FSD2: variants seen among roughly 807,000 people sequenced by gnomAD.
The protein encoded by FSD2 is fibronectin type III and SPRY domain-containing protein 2.
A neutral mutation model predicts 80.4 loss-of-function variants in FSD2; 71 were observed. The observed-to-expected ratio is 0.88, with a 90% CI of 0.73 to 1.08. The LOEUF is 1.08. FSD2 is among the 50% of genes least tolerant of loss of function. The probability of loss-of-function intolerance (pLI) is 0.00; values close to 1 mark genes in which losing one functional copy is unlikely to be tolerated. For missense variants in FSD2, 923 were observed against 913.8 expected, an observed-to-expected ratio of 1.01 and a Z score of -0.13; for synonymous variants, 361 against 329.5, an observed-to-expected ratio of 1.10 and a Z score of -1.03.
rs1260410541 is a variant in FSD2, at chr15:82,776,452, A to T, written c.1111+2314T>A. Among the ~76,000 whole-genome samples the T allele has an allele frequency of 2.0e-5, 3 of 152,194 alleles. No homozygotes were observed. In the South Asian group the frequency reaches 6.2e-4, roughly 31 times the overall value. On this transcript the variant is annotated intron_variant, in intron 6 of 12. Transcript: ENST00000334574. ...TGTTGCTGGATGGAATGTTTTGTAC[A>T]TGTCCATTAGGTCCATTTGATCTAT... is the stretch of plus-strand genomic sequence containing the variant.
intron 3 of FSD2, among the ~76,000 whole-genome samples, chr15:82,784,741 A>G (rs1340815861): frequency 2.0e-5 from 3 of 152,164 alleles, no homozygotes; most frequent in Admixed American, 6.6e-5. Flanking sequence ...GTTGATTCAT[A>G]TAAGATCCTC....
At chr15:82,782,730 C>A in intron 4 of FSD2, 65 bp downstream of exon 4, 2 of 1,361,302 alleles carry the variant, frequency 1.5e-6, no homozygotes, top group South Asian at 1.3e-5. Flanking sequence ...CCATAACTGT[C>A]GTTTCCGTTT....
chr15:82,759,339 CA>C lies in FSD2; in HGVS notation c.*8del, dbSNP rs1567295434. 6.2e-7 allele frequency: 1 copy of C among 1,611,136 alleles called. No homozygotes were observed. Among genetic ancestry groups the C allele is most frequent in the Non-Finnish European group, 8.5e-7 (1 of 1,178,794 alleles). On this transcript the variant is annotated 3_prime_UTR_variant, in exon 13 of 13. Transcript: ENST00000334574. ...GCATGGAAGACAGGAAACTGGACATCAGAATGTTCTAATAGAAAGTGACATG... is the reference window on the plus strand; with the variant it reads ...GCATGGAAGACAGGAAACTGGACATCGAATGTTCTAATAGAAAGTGACATG...
At chr15:82,799,746 A>G (rs1200227322) in intron 1 of FSD2, among the ~76,000 whole-genome samples, 1 of 152,142 alleles carries the variant, frequency 6.6e-6, no homozygotes, top group Non-Finnish European at 1.5e-5. Context: ...AGGTTTCTCA[A>G]ACTTTCCTGC....
chr15:82,768,900 T>C lies in FSD2; in HGVS notation c.1533A>G (p.Pro511=), dbSNP rs2049489620. ...CTCACTCAGTTACACCCGAGGCTTC[T>C]GGACTTTCAGCCTGGGTCAGCTCCA... ...YTVELTQAES[P]EASGVTESVV... The change falls in exon 9 of 13, where the codon CCA becomes CCG. Residue 511 remains proline (P), a synonymous_variant. Coordinates refer to ENST00000334574, the MANE Select transcript of FSD2 (RefSeq NM_001007122.4). The C allele has an allele frequency of 6.4e-7, 1 of 1,569,266 alleles. No homozygotes were observed. Among genetic ancestry groups the C allele is most frequent in the African/African-American group, 1.4e-5 (1 of 73,174 alleles).
chr15:82,764,779 C>CT (rs1024218316), intron 11 of FSD2, among the ~76,000 whole-genome samples: 1 of 151,888 alleles, frequency 6.6e-6, no homozygotes, highest in African/African-American at 2.4e-5. Flanking sequence ...TGCCTGGCCT[C>CT]TTTCCTTGCT....
chr15:82,790,881 G>A (rs1175841624), intron 1 of FSD2, among the ~76,000 whole-genome samples: 2 of 151,134 alleles, frequency 1.3e-5, no homozygotes, highest in Non-Finnish European at 2.9e-5. Flanking sequence ...CACCACGCCC[G>A]GCCCATTGTG....
At chr15:82,795,982 T>C (rs912613303) in intron 1 of FSD2, among the ~76,000 whole-genome samples, 3 of 150,354 alleles carry the variant, frequency 2.0e-5, no homozygotes, top group Non-Finnish European at 2.9e-5. Context: ...AGTTTTGATT[T>C]CCTTTTCTTT....
chr15:82,803,071 A>G (rs2050451153), intron 1 of FSD2, among the ~76,000 whole-genome samples: 1 of 152,052 alleles, frequency 6.6e-6, no homozygotes, highest in Admixed American at 6.5e-5. Context: ...ACAAGTGACT[A>G]AGGGATTATT....
intron 1 of FSD2, among the ~76,000 whole-genome samples, chr15:82,799,882 T>C (rs1296645941): frequency 6.6e-6 from 1 of 152,222 alleles, no homozygotes; most frequent in African/African-American, 2.4e-5. Context: ...AGGTAGAAGA[T>C]GCCTGGATGC....
rs994073503 is a variant in FSD2 at position 82,794,235 on chromosome 15, C to T, written c.-78-6767G>A. On this transcript the variant is annotated intron_variant, in intron 1 of 12. Coordinates refer to ENST00000334574, the MANE Select transcript of FSD2 (RefSeq NM_001007122.4). ...CTTCCATTTTCATTTCTTCTTTGAC[C>T]CATTGGTTATTGAGGAGTGTGTTGT... Among the ~76,000 whole-genome samples, 8 of 152,078 alleles carry T rather than the reference C, an allele frequency of 5.3e-5. No homozygotes were observed. The East Asian group carries it at 1.4e-3, about 26-fold the overall frequency.
In FSD2 at chr15:82,762,204, A is replaced by C; in HGVS notation, c.1895T>G (p.Leu632Trp). 1 of 1,613,904 alleles carries C rather than the reference A, an allele frequency of 6.2e-7. No individual in the cohort carries two copies. Among genetic ancestry groups the C allele is most frequent in the Non-Finnish European group, 8.5e-7 (1 of 1,179,854 alleles). Residue 632 changes from leucine (L) to tryptophan (W), a missense_variant, in exon 12 of 13, where the codon TTG becomes TGG. Leu to Trp is a moderately conservative substitution (Grantham distance 61). Coordinates refer to ENST00000334574, the MANE Select transcript of FSD2 (RefSeq NM_001007122.4). ...HYWEVEVDEH[L>W]DYRVGVAFAD... The stretch of plus-strand genomic sequence containing the variant: ...AAAGGCCACACCAACTCTGTAGTCC[A>C]AATGCTCATCCACCTCCACCTCCCA...
At position 82,782,751 on chromosome 15, in the gene FSD2, C is replaced by T. The variant is rs753581330; in HGVS notation, c.966+44G>A. 41 of 1,463,116 alleles carry T rather than the reference C, an allele frequency of 2.8e-5. No homozygotes were observed. The African/African-American group carries it at 5.4e-4, about 19-fold the overall frequency. The allele number at this position is 1,463,116 out of a possible 1,614,324, so 90.6% of individuals were successfully genotyped here. Reference sequence around the variant, plus strand: ...CTGTCGTTTCCGTTTATAATTCCATCTCTTTCCATTATGTTCATTATTTCA... The same window carrying T: ...CTGTCGTTTCCGTTTATAATTCCATTTCTTTCCATTATGTTCATTATTTCA... On this transcript the variant is annotated intron_variant, in intron 4 of 12. Coordinates refer to ENST00000334574, the MANE Select transcript of FSD2 (RefSeq NM_001007122.4).
At position 82,786,526 on chromosome 15, in the gene FSD2, A is replaced by T. The variant is rs2050001452; in HGVS notation, c.720T>A (p.Val240=). 7 of 1,613,012 alleles carry T rather than the reference A, an allele frequency of 4.3e-6. No homozygotes were observed. Among genetic ancestry groups the T allele is most frequent in the Non-Finnish European group, 5.1e-6 (6 of 1,179,412 alleles). Residue 240 remains valine (V), a synonymous_variant, in exon 3 of 13, where the codon GTT becomes GTA. Transcript: ENST00000334574. ...MENFANHLEE[V]FITVEENFGK... ...GTGCTCTTACCTCCACAGTGATGAAAACCTCCTCCAAATGATTTGCAAAGT... is the reference window on the plus strand; with the variant it reads ...GTGCTCTTACCTCCACAGTGATGAATACCTCCTCCAAATGATTTGCAAAGT...
At chr15:82,775,163 T>G (rs893741808) in intron 6 of FSD2, among the ~76,000 whole-genome samples, 2 of 150,174 alleles carry the variant, frequency 1.3e-5, no homozygotes, top group Admixed American at 6.6e-5. Flanking sequence ...CTTTGGGAGG[T>G]CGAGGCAGGT....
intron 12 of FSD2, among the ~76,000 whole-genome samples, chr15:82,761,340 C>G (rs577778853): frequency 3.9e-5 from 6 of 152,136 alleles, no homozygotes; most frequent in African/African-American, 1.4e-4. Context: ...TTGGCCTGGG[C>G]TTCGTGAGAC....
At chr15:82,790,776 A>ATGG (rs2050129031) in intron 1 of FSD2, among the ~76,000 whole-genome samples, 1 of 141,004 alleles carries the variant, frequency 7.1e-6, no homozygotes, top group South Asian at 2.3e-4. Context: ...TAGTAGAGAC[A>ATGG]GGGTTTCACT....
chr15:82,796,316 AC>A (rs1169402448), intron 1 of FSD2: 1 of 153,734 alleles, frequency 6.5e-6, no homozygotes, highest in Non-Finnish European at 1.5e-5. Flanking sequence ...TGTGATTTCA[AC>A]CCACATCATG....
At chr15:82,771,401 G>C (rs868816766) in intron 7 of FSD2, among the ~76,000 whole-genome samples, 8 of 152,304 alleles carry the variant, frequency 5.3e-5, no homozygotes, top group African/African-American at 1.9e-4. Context: ...CACATGTTCA[G>C]CTGGGGCTCT....
Sources: gnomAD v4.1 joint callset for allele counts (sites outside exome capture counted in the v4.1 genomes callset) on GRCh38, gnomAD v4.1.1 for gene constraint, MANE v1.5 for transcripts, NCBI Gene and HGNC (gene_info 2026-07-23, HGNC 2026-07-21) for gene names.